The following SLCO3A1 variants were observed in gnomAD, a reference collection of about 807,000 sequenced individuals.
SLCO3A1 encodes the protein solute carrier organic anion transporter family member 3A1, also known as PGE1 transporter.
SLCO3A1 carries 27 observed loss-of-function variants against 63.1 expected under a neutral mutation model. The ratio of observed to expected loss-of-function variants is 0.43; its 90% CI spans 0.32 to 0.59. SLCO3A1 has a LOEUF of 0.59. SLCO3A1 is among the 20% of genes least tolerant of loss of function. The pLI is 0.09. For synonymous variants in SLCO3A1, 473 were observed against 409.9 expected (o/e 1.15, Z -1.86); for missense variants, 773 against 945.8 (o/e 0.82, Z 2.40).
chr15:92,056,335 T>C (rs1163043460), intron 2 of SLCO3A1, among the ~76,000 whole-genome samples: 1 of 135,026 alleles, frequency 7.4e-6, no homozygotes, highest in Non-Finnish European at 1.6e-5. Context: ...GACCCATCCT[T>C]TGCTCCTGCT....
At chr15:91,975,682 G>C (rs1338710507) in intron 2 of SLCO3A1, among the ~76,000 whole-genome samples, 1 of 152,230 alleles carries the variant, frequency 6.6e-6, no homozygotes, top group Admixed American at 6.5e-5. Flanking sequence ...TGTCAGACGT[G>C]CGTCTGCACT....
rs1243025422 is a variant in SLCO3A1 at position 92,143,426 on chromosome 15, AT to A, written c.1513-3557del. On this transcript the variant is annotated intron_variant, in intron 7 of 9. Coordinates refer to ENST00000318445, the MANE Select transcript of SLCO3A1 (RefSeq NM_013272.4). Reference sequence around the variant, plus strand: ...TATATATAATATATATATTATATATATATAATATATATAATATATATATAAT... The same window carrying A: ...TATATATAATATATATATTATATATAATAATATATATAATATATATATAAT... Among the ~76,000 whole-genome samples, 10 of 4,520 alleles carry A rather than the reference AT, an allele frequency of 2.2e-3. 5 individuals are homozygous for A. In the African/African-American group the frequency reaches 0.024, roughly 11 times the overall value. The allele number at this position is 4,520 out of a possible 152,430, so 3.0% of individuals were successfully genotyped here.
exon 11 of SLCO3A1, chr15:92,171,926 C>A: frequency 8.0e-7 from 1 of 1,250,804 alleles, no homozygotes; most frequent in Non-Finnish European, 1.1e-6. Context: ...CCTCGCGGGC[C>A]TCACTTAGCG....
intron 2 of SLCO3A1, among the ~76,000 whole-genome samples, chr15:91,961,359 C>T (rs1900438083): frequency 6.6e-6 from 1 of 152,224 alleles, no homozygotes; most frequent in African/African-American, 2.4e-5. Flanking sequence ...CTTGATTTTC[C>T]TGATTTTGCC....
At chr15:92,019,760 G>C (rs12905735) in intron 2 of SLCO3A1, among the ~76,000 whole-genome samples, 30,558 of 152,102 alleles carry the variant, frequency 0.2, 3,292 homozygotes, top group African/African-American at 0.24. Flanking sequence ...ACTCCAGCCG[G>C]TGTGTGTGTT....
intron 1 of SLCO3A1, among the ~76,000 whole-genome samples, chr15:91,861,830 T>A (rs895260715): frequency 6.7e-6 from 1 of 149,630 alleles, no homozygotes; most frequent in African/African-American, 2.5e-5. Flanking sequence ...GGGTGTGGGG[T>A]GGTTTCATCA....
chr15:92,146,784 T>C (rs1428771731), intron 7 of SLCO3A1, among the ~76,000 whole-genome samples, 200 bp from the exon 8 acceptor site: 1 of 151,914 alleles, frequency 6.6e-6, no homozygotes, highest in Non-Finnish European at 1.5e-5. Flanking sequence ...AGAAATCAGC[T>C]CTCCTCCCCG....
At chr15:92,169,001 CCAACA>C (rs1273155783), downstream of SLCO3A1, among the ~76,000 whole-genome samples, 3 of 152,174 alleles carry the variant, frequency 2.0e-5, no homozygotes, top group African/African-American at 7.2e-5. Context: ...CTCCCCACAA[CCAACA>C]CAAAACACTG....
At chr15:91,963,812 C>G (rs1206709919) in intron 2 of SLCO3A1, among the ~76,000 whole-genome samples, 2 of 152,060 alleles carry the variant, frequency 1.3e-5, no homozygotes, top group Non-Finnish European at 2.9e-5. Flanking sequence ...CCAGACTGAG[C>G]AGCAGCAAGA....
rs1898673903 is a variant in SLCO3A1 at position 91,916,686 on chromosome 15, A to G, written c.646+228A>G. 6.6e-6 allele frequency among the ~76,000 whole-genome samples: 1 copy of G among 152,240 alleles called. No homozygotes were observed. The highest frequency in any genetic ancestry group is 2.4e-5 in the African/African-American group (1 of 41,462). ...GGCCGAATTTGAGCTCCACGGGGCT[A>G]GACCACTAACACCGCTTCAGTGGGA... is the stretch of plus-strand genomic sequence containing the variant. On this transcript the variant is annotated intron_variant, in intron 2 of 9. Transcript: ENST00000318445. The surrounding 1 kb of genome is among the most constrained non-coding windows in gnomAD (Gnocchi z 6.2).
intron 2 of SLCO3A1, among the ~76,000 whole-genome samples, chr15:92,080,071 G>A (rs905127644): frequency 2.0e-5 from 3 of 152,266 alleles, no homozygotes; most frequent in Non-Finnish European, 2.9e-5. Flanking sequence ...GGCCTGGAGA[G>A]AAAGAAAAGA....
chr15:92,063,950 C>A (rs1051561599), intron 2 of SLCO3A1, among the ~76,000 whole-genome samples: 12 of 152,162 alleles, frequency 7.9e-5, no homozygotes, highest in African/African-American at 2.7e-4. Context: ...CCTGTGGAAC[C>A]CTTTGAGCAG....
chr15:92,073,504 C>T (rs1006458343), intron 2 of SLCO3A1, among the ~76,000 whole-genome samples: 4 of 152,204 alleles, frequency 2.6e-5, no homozygotes, highest in African/African-American at 9.6e-5. Context: ...AGAGAGCATT[C>T]TTCAAGCCTA....
Position 92,163,701 on chromosome 15 carries a change from A to C in SLCO3A1, c.*566A>C, listed in dbSNP as rs1156797485. 5.5e-5 allele frequency: 54 copies of C among 985,412 alleles called. No individual in the cohort carries two copies. Among genetic ancestry groups the C allele is most frequent in the Non-Finnish European group, 6.3e-5 (52 of 829,966 alleles). 61.0% of individuals were successfully genotyped at this position (985,412 alleles called of 1,614,324 possible). ...CACCACTCCTCTCTCTGACTTTCGCAATATGGGTCACTGTGTAGACGACTC... is the reference window on the plus strand; with the variant it reads ...CACCACTCCTCTCTCTGACTTTCGCCATATGGGTCACTGTGTAGACGACTC... On this transcript the variant is annotated 3_prime_UTR_variant, in exon 10 of 10. Coordinates refer to ENST00000318445, the MANE Select transcript of SLCO3A1 (RefSeq NM_013272.4).
chr15:92,126,759 CT>C (rs2047929405), intron 6 of SLCO3A1, among the ~76,000 whole-genome samples: 1 of 152,150 alleles, frequency 6.6e-6, no homozygotes, highest in African/African-American at 2.4e-5. Context: ...CATAGGACCA[CT>C]TTTCTTTCTT....
At chr15:92,052,447 A>G (rs2046969156) in intron 2 of SLCO3A1, among the ~76,000 whole-genome samples, 3 of 152,304 alleles carry the variant, frequency 2.0e-5, no homozygotes, top group African/African-American at 7.2e-5. Context: ...TAAGAACTAG[A>G]TAGGACCTCA....
chr15:91,947,952 C>T (rs1233763930), intron 2 of SLCO3A1, among the ~76,000 whole-genome samples: 2 of 152,206 alleles, frequency 1.3e-5, no homozygotes, highest in African/African-American at 4.8e-5. Flanking sequence ...AAAGTGACTG[C>T]AGCCCAGTTA....
chr15:91,926,597 G>GTGTGTGTGTGTGTGTGTGAGCGCGCA (rs1304406067), intron 2 of SLCO3A1, among the ~76,000 whole-genome samples: 1 of 31,890 alleles, frequency 3.1e-5, no homozygotes, highest in African/African-American at 1.3e-4. Context: ...GTGTGTGTGT[G>GTGTGTGTGTGTGTGTGTGAGCGCGCA]CGCGCGCGCA....
chr15:91,907,777 C>T (rs997369580), intron 1 of SLCO3A1, among the ~76,000 whole-genome samples: 8 of 151,416 alleles, frequency 5.3e-5, no homozygotes, highest in Non-Finnish European at 1.0e-4. Context: ...CCACCCGTCT[C>T]GGCCTCCCAA....
Sources: allele counts gnomAD v4.1 joint callset (sites outside exome capture counted in the v4.1 genomes callset), GRCh38; gene constraint gnomAD v4.1.1; non-coding constraint Gnocchi (gnomAD v3.1); transcripts MANE v1.5; gene names NCBI Gene and HGNC (gene_info 2026-07-23, HGNC 2026-07-21).